CFAP299: variants seen among roughly 807,000 people sequenced by gnomAD.
The protein encoded by CFAP299 is cilia- and flagella-associated protein 299.
Under a neutral mutation model 27.0 loss-of-function variants are expected in CFAP299, and 21 were observed. That is an observed-to-expected ratio of 0.78 (90% CI 0.55 to 1.12). The LOEUF (loss-of-function observed/expected upper bound fraction) is 1.12, where lower values mean the gene tolerates loss of function less well. Among genes scored for constraint, CFAP299 ranks in the 50% most tolerant of loss-of-function variants. The pLI is 0.00. For missense variants in CFAP299, 310 were observed against 276.6 expected, an observed-to-expected ratio of 1.12 and a Z score of -0.86; for synonymous variants, 104 against 98.1, an observed-to-expected ratio of 1.06 and a Z score of -0.36.
intron 2 of CFAP299, among the ~76,000 whole-genome samples, chr4:80,384,576 C>T (rs1188008618): frequency 6.6e-6 from 1 of 152,078 alleles, no homozygotes; most frequent in Non-Finnish European, 1.5e-5. Flanking sequence ...GCTGTAGTAT[C>T]TATTTCAGGA....
At chr4:80,859,691 A>T (rs1732185398) in intron 3 of CFAP299, among the ~76,000 whole-genome samples, 1 of 152,088 alleles carries the variant, frequency 6.6e-6, no homozygotes, top group African/African-American at 2.4e-5. Flanking sequence ...CTGGATATGA[A>T]ATTCTCGGTT....
At chr4:80,675,888 C>T (rs1345462382) in intron 3 of CFAP299, among the ~76,000 whole-genome samples, 1 of 152,212 alleles carries the variant, frequency 6.6e-6, no homozygotes. Flanking sequence ...TTGCTATGAT[C>T]ATTGGAAAAG....
intron 2 of CFAP299, among the ~76,000 whole-genome samples, chr4:80,458,217 T>C (rs1431923020): frequency 2.6e-5 from 4 of 152,238 alleles, no homozygotes; most frequent in Admixed American, 2.6e-4. Flanking sequence ...CACATGAATA[T>C]ACATTTAAAA....
At chr4:80,341,743 G>A (rs1030285186) in intron 1 of CFAP299, among the ~76,000 whole-genome samples, 2 of 152,178 alleles carry the variant, frequency 1.3e-5, no homozygotes, top group Non-Finnish European at 1.5e-5. Flanking sequence ...GCTGAAACTC[G>A]AAAAGCCAGA....
At chr4:80,510,929 G>A (rs2110163201) in intron 2 of CFAP299, among the ~76,000 whole-genome samples, 1 of 152,238 alleles carries the variant, frequency 6.6e-6, no homozygotes, top group African/African-American at 2.4e-5. Context: ...TTATTCTGAT[G>A]GGTAACTGAT....
intron 5 of CFAP299, among the ~76,000 whole-genome samples, chr4:80,947,592 G>A (rs982131860): frequency 2.9e-4 from 44 of 152,126 alleles, no homozygotes; most frequent in African/African-American, 9.9e-4. Flanking sequence ...ATTCTGCCTC[G>A]ACTGGGACCA....
intron 3 of CFAP299, among the ~76,000 whole-genome samples, chr4:80,736,474 A>AC (rs1295265536): frequency 2.6e-5 from 4 of 152,074 alleles, no homozygotes; most frequent in Admixed American, 1.3e-4. Flanking sequence ...CAAGAAAAAA[A>AC]AAACAACCCC....
chr4:80,555,452 A>C (rs1734736067), intron 2 of CFAP299, among the ~76,000 whole-genome samples: 1 of 152,110 alleles, frequency 6.6e-6, no homozygotes, highest in African/African-American at 2.4e-5. Flanking sequence ...TACTGGCATA[A>C]AGTCTTCCTT....
intron 3 of CFAP299, among the ~76,000 whole-genome samples, chr4:80,759,999 G>A (rs1224828229): frequency 6.6e-6 from 1 of 151,924 alleles, no homozygotes; most frequent in Non-Finnish European, 1.5e-5. Flanking sequence ...CCTTGGAAAT[G>A]TATCCAGGGC....
chr4:80,847,545 T>A (rs1442125150), intron 3 of CFAP299, among the ~76,000 whole-genome samples: 1 of 152,232 alleles, frequency 6.6e-6, no homozygotes, highest in Admixed American at 6.5e-5. Context: ...TATTAGTTCC[T>A]GTGTAAACAA....
At chr4:80,860,573 C>A (rs1043166784) in intron 3 of CFAP299, among the ~76,000 whole-genome samples, 28 of 152,118 alleles carry the variant, frequency 1.8e-4, no homozygotes, top group African/African-American at 6.8e-4. Context: ...TGGTGATGTA[C>A]AGATGGGTTT....
chr4:80,739,437 G>A (rs1484845473), intron 3 of CFAP299, among the ~76,000 whole-genome samples: 1 of 151,964 alleles, frequency 6.6e-6, no homozygotes, highest in Non-Finnish European at 1.5e-5. Context: ...CTATTCTAGG[G>A]TAAAAGTGGT....
At chr4:80,779,116 T>G (rs759420326) in intron 3 of CFAP299, among the ~76,000 whole-genome samples, 1 of 152,112 alleles carries the variant, frequency 6.6e-6, no homozygotes, top group Non-Finnish European at 1.5e-5. Context: ...TAAAAACACC[T>G]GATGTACAAA....
chr4:80,860,148 CAT>C (rs1472428570), intron 3 of CFAP299, among the ~76,000 whole-genome samples: 1 of 152,160 alleles, frequency 6.6e-6, no homozygotes. Flanking sequence ...CTTCTCGCTT[CAT>C]TTCATTCATT....
intron 3 of CFAP299, among the ~76,000 whole-genome samples, chr4:80,752,054 C>CA (rs982727648): frequency 1.1e-4 from 17 of 152,150 alleles, no homozygotes; most frequent in Non-Finnish European, 2.5e-4. Context: ...CATGGGCTCA[C>CA]AAGGGGATCT....
intron 1 of CFAP299, among the ~76,000 whole-genome samples, chr4:80,344,248 T>C (rs1356810468): frequency 6.6e-6 from 1 of 151,078 alleles, no homozygotes; most frequent in Non-Finnish European, 1.5e-5. Flanking sequence ...GATAGACTGC[T>C]ACCTAGACTA....
At chr4:80,919,715 G>A (rs1397970156) in intron 4 of CFAP299, among the ~76,000 whole-genome samples, 2 of 152,040 alleles carry the variant, frequency 1.3e-5, no homozygotes, top group African/African-American at 2.4e-5. Flanking sequence ...TTATTAAAAT[G>A]AAATACATTA....
chr4:80,556,242 T>C (rs1489087136), intron 2 of CFAP299, among the ~76,000 whole-genome samples: 1 of 152,044 alleles, frequency 6.6e-6, no homozygotes, highest in African/African-American at 2.4e-5. Flanking sequence ...AAGAGTCCTT[T>C]TCGTGAACTC....
intron 3 of CFAP299, among the ~76,000 whole-genome samples, chr4:80,615,197 G>A (rs982207769): frequency 6.6e-6 from 1 of 152,092 alleles, no homozygotes; most frequent in Non-Finnish European, 1.5e-5. Context: ...GAGCAAATTA[G>A]TTTAGTAGAC....
Sources: gnomAD v4.1 joint callset for allele counts (sites outside exome capture counted in the v4.1 genomes callset) on GRCh38, gnomAD v4.1.1 for gene constraint, MANE v1.5 for transcripts, NCBI Gene and HGNC (gene_info 2026-07-23, HGNC 2026-07-21) for gene names.